Variants in KIF26A observed in about 807,000 individuals in gnomAD.
The protein encoded by KIF26A is kinesin-like protein KIF26A.
In KIF26A, 74 loss-of-function variants were observed where a neutral mutation model predicts 126.0. That is an observed-to-expected ratio of 0.59 (90% CI 0.49 to 0.71). KIF26A has a LOEUF of 0.71. Among genes scored for constraint, KIF26A ranks in the 30% least tolerant of loss-of-function variants. The pLI is 0.00. For missense variants in KIF26A, 2,984 were observed against 2,763.3 expected (o/e 1.08, Z -1.79); for synonymous variants, 1,445 against 1,232.7 (o/e 1.17, Z -3.61).
intron 11 of KIF26A, among the ~76,000 whole-genome samples, chr14:104,174,618 C>G (rs547810838): frequency 1.3e-5 from 2 of 152,224 alleles, no homozygotes; most frequent in South Asian, 4.1e-4. Context: ...ACCACCTCTG[C>G]AGGGGCTTCC....
chr14:104,178,486 C>G, intron 12 of KIF26A, 64 bp from the exon 13 acceptor site: 1 of 1,289,048 alleles, frequency 7.8e-7, no homozygotes, highest in Non-Finnish European at 1.0e-6. Flanking sequence ...GCAGCGTCCC[C>G]GCAGGGGCTG....
chr14:104,166,984 C>T lies in KIF26A; in HGVS notation c.1049C>T (p.Pro350Leu), dbSNP rs994793445. ...GGGGTCCTGCAGCTGTGGCCGCCCC[C>T]GGCGCCCCCCTGCCTGCTCAGGGCC... Reference protein sequence around the residue: ...FSGVLQLWPPPAPPCLLRAAS... With the variant: ...FSGVLQLWPPLAPPCLLRAAS... The change falls in exon 5 of 15, where the codon CCG (proline) becomes CTG (leucine). Residue 350 changes from proline (P) to leucine (L), a missense_variant. Physicochemically the swap from Pro to Leu is moderately conservative, Grantham distance 98. Transcript: ENST00000423312. 1.2e-4 allele frequency: 190 copies of T among 1,583,850 alleles called. 1 individual carries two copies. Among genetic ancestry groups the T allele is most frequent in the Non-Finnish European group, 1.5e-4 (179 of 1,166,200 alleles).
rs771577807 is a variant in KIF26A at position 104,169,244 on chromosome 14, G to A, written c.1113+2196G>A. Among the ~76,000 whole-genome samples the A allele has an allele frequency of 2.0e-5, 3 of 152,212 alleles. No individual in the cohort carries two copies. In the East Asian group the frequency reaches 5.8e-4, roughly 29 times the overall value. On this transcript the variant is annotated intron_variant, in intron 5 of 14. Transcript: ENST00000423312. ...TGGGCAGGCAGCATCCAGGTTCCCC[G>A]CCCAGCCTGGGATCGGGGCCCTGGC...
chr14:104,176,000 G>A lies in KIF26A; in HGVS notation c.3212G>A (p.Arg1071Gln), dbSNP rs368918923. The stretch of plus-strand genomic sequence containing the variant: ...CTGCGGGCCCTGGCCTCGGGGTCCC[G>A]GCCAGTCAGCATCATCAGCAGCATC... ...CSLRALASGS[R>Q]PVSIISSIND... is the part of the protein sequence containing the mutation. The change falls in exon 12 of 15, where the codon CGG (arginine) becomes CAG (glutamine). Residue 1071 changes from arginine (R) to glutamine (Q), a missense_variant. Coordinates refer to ENST00000423312, the MANE Select transcript of KIF26A (RefSeq NM_015656.2). 12 of 1,583,476 alleles carry A rather than the reference G, an allele frequency of 7.6e-6. No individual in the cohort carries two copies. Among genetic ancestry groups the A allele is most frequent in the African/African-American group, 6.7e-5 (5 of 74,512 alleles).
In KIF26A at chr14:104,154,834, G is replaced by A. The variant is rs941984267; in HGVS notation, c.735+2373G>A. 1.1e-4 allele frequency among the ~76,000 whole-genome samples: 17 copies of A among 152,232 alleles called. 1 individual carries two copies. The highest frequency in any genetic ancestry group is 1.1e-3 in the Admixed American group (17 of 15,292). ...GTGGGCAGTGTGGGGTGCTGGAGGT[G>A]TTGACGGTGGCCCTGAGGAGCGGGG... is the stretch of plus-strand genomic sequence containing the variant. On this transcript the variant is annotated intron_variant, in intron 3 of 14. Transcript: ENST00000423312.
intron 2 of KIF26A, among the ~76,000 whole-genome samples, chr14:104,145,339 CT>C (rs2037670905): frequency 6.6e-6 from 1 of 152,192 alleles, no homozygotes. Flanking sequence ...GCCCGAGGCC[CT>C]CCGCAGGGCT....
Position 104,138,618 on chromosome 14 carries a change from G to C in KIF26A, c.-105G>C. ...AGGCTCTGCGAACTTCCGAGCGGCT[G>C]GGCCGGGCCATGGGGGCGCCTCGGG... On this transcript the variant is annotated 5_prime_UTR_variant, in exon 1 of 15. Coordinates refer to ENST00000423312, the MANE Select transcript of KIF26A (RefSeq NM_015656.2). The C allele has an allele frequency of 3.2e-6, 3 of 923,656 alleles. No homozygotes were observed. Among genetic ancestry groups the C allele is most frequent in the Non-Finnish European group, 4.2e-6 (3 of 719,840 alleles). 57.2% of individuals were successfully genotyped at this position (923,656 alleles called of 1,614,324 possible).
In KIF26A at chr14:104,175,456, G is replaced by A. The variant is rs1343894111; in HGVS notation, c.2668G>A (p.Val890Met). 4 of 1,591,540 alleles carry A rather than the reference G, an allele frequency of 2.5e-6. No homozygotes were observed. The highest frequency in any genetic ancestry group is 2.6e-6 in the Non-Finnish European group (3 of 1,176,212). Residue 890 changes from valine to methionine, a missense_variant, in exon 12 of 15, where the codon GTG becomes ATG. Physicochemically the swap from Val to Met is conservative, Grantham distance 21. Coordinates refer to ENST00000423312, the MANE Select transcript of KIF26A (RefSeq NM_015656.2). The stretch of plus-strand genomic sequence containing the variant: ...AGAGGCTGCATCCCCCAGGAAGGCC[G>A]TGGGCACCCCGATGGCTGCCAGCAC... ...PPEAASPRKA[V>M]GTPMAASTPR...
intron 3 of KIF26A, 93 bp from the exon 4 acceptor site, chr14:104,157,662 G>A: frequency 3.7e-6 from 5 of 1,354,292 alleles, no homozygotes; most frequent in Non-Finnish European, 5.0e-6. Flanking sequence ...TGGGCTCTGG[G>A]GTGCCCAGGC....
intron 7 of KIF26A, 113 bp downstream of exon 7, chr14:104,172,781 C>A: frequency 9.4e-7 from 1 of 1,067,764 alleles, no homozygotes; most frequent in Non-Finnish European, 1.3e-6. Context: ...TACACATGGG[C>A]CGTGGTGGGC....
Position 104,175,278 on chromosome 14 carries a change from C to T in KIF26A, c.2490C>T (p.Pro830=). Residue 830 remains proline, a synonymous_variant, in exon 12 of 15, where the codon CCC becomes CCT. Transcript: ENST00000423312. ...GCCGCCACCGGCCCTCCAAGGGTCC[C>T]CGAGACGCAGACCACTTCCGCTGCA... ...ALSRHRPSKG[P]RDADHFRCST... 6.2e-7 allele frequency: 1 copy of T among 1,605,474 alleles called. No individual in the cohort carries two copies.
At position 104,176,063 on chromosome 14, in the gene KIF26A, A is replaced by AG. The variant is rs745639630; in HGVS notation, c.3282dup (p.Pro1095AlafsTer32). On this transcript the variant is annotated frameshift_variant, in exon 12 of 15. Transcript: ENST00000423312. LOFTEE classifies it high-confidence loss of function. ...GACGCCTACACCTCTCAGGCCCCTG[A>AG]GGGGGGGCCCCTGGAGGGGGCAGCC... The AG allele has an allele frequency of 1.3e-6, 2 of 1,596,526 alleles. No individual in the cohort carries two copies. Among genetic ancestry groups the AG allele is most frequent in the Non-Finnish European group, 1.7e-6 (2 of 1,174,552 alleles).
rs575848831 is a variant in KIF26A, at chr14:104,177,107, G to A, written c.4319G>A (p.Arg1440Gln). The part of the protein sequence containing the change: ...HRLAGHASLE[R>Q]YEGLAHSSSK... ...CTTGCCGGACACGCGTCTCTGGAGC[G>A]GTACGAAGGCCTGGCGCACAGCAGC... The change falls in exon 12 of 15, where the codon CGG becomes CAG. Residue 1440 changes from arginine (R) to glutamine (Q), a missense_variant. By Grantham distance (43) the Arg-to-Gln change is conservative. Coordinates refer to ENST00000423312, the MANE Select transcript of KIF26A (RefSeq NM_015656.2). The A allele has an allele frequency of 3.0e-5, 48 of 1,597,290 alleles. No individual in the cohort carries two copies. Among genetic ancestry groups the A allele is most frequent in the African/African-American group, 4.0e-5 (3 of 74,880 alleles).
rs2038067204 is a variant in KIF26A at position 104,178,847 on chromosome 14, CTG to C, written c.5316+93_5316+94del. 5.4e-6 allele frequency: 4 copies of C among 745,906 alleles called. No individual in the cohort carries two copies. In the Admixed American group the frequency reaches 1.2e-4, roughly 23 times the overall value. 46.2% of individuals were successfully genotyped at this position (745,906 alleles called of 1,614,324 possible). A position where few individuals can be genotyped will look rare whatever the true frequency, so the allele number is the denominator to read the frequency against. ...GCCATTTGATGGGCTCGCCAGGCCT[CTG>C]GGGGTGTGGCTGGGCAGCCCCTGAC... On this transcript the variant is annotated intron_variant, in intron 13 of 14. Transcript: ENST00000423312.
rs1265254139 is a variant in KIF26A, at chr14:104,177,430, G to C, written c.4642G>C (p.Ala1548Pro). 1 of 1,516,680 alleles carries C rather than the reference G, an allele frequency of 6.6e-7. No individual in the cohort carries two copies. The highest frequency in any genetic ancestry group is 2.1e-5 in the Admixed American group (1 of 48,752). 94.0% of individuals were successfully genotyped at this position (1,516,680 alleles called of 1,614,324 possible). A position where few individuals can be genotyped will look rare whatever the true frequency, so the allele number is the denominator to read the frequency against. The change falls in exon 12 of 15, where the codon GCT (alanine) becomes CCT (proline). Residue 1548 changes from alanine to proline, a missense_variant. Coordinates refer to ENST00000423312, the MANE Select transcript of KIF26A (RefSeq NM_015656.2). ...GGCCGGGCCCAGTGTCGGGGCGAAGGCTGGCCGGGGTACCGTCATGGGCAC... is the reference window on the plus strand; with the variant it reads ...GGCCGGGCCCAGTGTCGGGGCGAAGCCTGGCCGGGGTACCGTCATGGGCAC... ...PRAGPSVGAKAGRGTVMGTKQ... is the reference protein window; with the variant it reads ...PRAGPSVGAKPGRGTVMGTKQ...
In KIF26A at chr14:104,152,313, C is replaced by T. The variant is rs986252743; in HGVS notation, c.587C>T (p.Ala196Val). The T allele has an allele frequency of 2.5e-6, 4 of 1,581,424 alleles. 1 individual carries two copies. The Admixed American group carries it at 7.3e-5, about 29-fold the overall frequency. The change falls in exon 3 of 15, where the codon GCC becomes GTC. Residue 196 changes from alanine (A) to valine (V), a missense_variant. By Grantham distance (64) the Ala-to-Val change is moderately conservative. Transcript: ENST00000423312. The surrounding 1 kb of genome is among the most constrained non-coding windows in gnomAD (Gnocchi z 5.9). ...GGGCCAGACAGGACCAAGGGGCTGGCCTGGTCCCCCGGGCCCAGTGTCCAG... is the reference window on the plus strand; with the variant it reads ...GGGCCAGACAGGACCAAGGGGCTGGTCTGGTCCCCCGGGCCCAGTGTCCAG... ...RAGPDRTKGL[A>V]WSPGPSVQVS...
intron 4 of KIF26A, among the ~76,000 whole-genome samples, chr14:104,158,206 T>C (rs2037801192): frequency 6.6e-6 from 1 of 152,184 alleles, no homozygotes; most frequent in Non-Finnish European, 1.5e-5. Flanking sequence ...CCTGCCTGAG[T>C]TGGAGCCTGG....
Position 104,166,930 on chromosome 14 carries a change from G to A in KIF26A, c.995G>A (p.Gly332Asp), listed in dbSNP as rs1316960215. 2.5e-6 allele frequency: 4 copies of A among 1,593,452 alleles called. No individual in the cohort carries two copies. The African/African-American group carries it at 4.0e-5, about 16-fold the overall frequency. The change falls in exon 5 of 15, where the codon GGC becomes GAC. Residue 332 changes from glycine to aspartate, a missense_variant. By Grantham distance (94) the Gly-to-Asp change is moderately conservative. Coordinates refer to ENST00000423312, the MANE Select transcript of KIF26A (RefSeq NM_015656.2). The part of the protein sequence containing the change: ...PHPPPPPATR[G>D]TSTYPTDFSG... ...CCGCCACCGCCTCCAGCCACCCGCG[G>A]CACCTCCACCTACCCCACCGACTTC...
In KIF26A at chr14:104,179,248, G is replaced by A. The variant is rs539832310; in HGVS notation, c.5329G>A (p.Val1777Ile). 117 of 1,505,348 alleles carry A rather than the reference G, an allele frequency of 7.8e-5. No individual in the cohort carries two copies. The highest frequency in any genetic ancestry group is 2.2e-4 in the Middle Eastern group (1 of 4,574). 93.2% of individuals were successfully genotyped at this position (1,505,348 alleles called of 1,614,324 possible). A position where few individuals can be genotyped will look rare whatever the true frequency, so the allele number is the denominator to read the frequency against. The change falls in exon 14 of 15, where the codon GTC (valine) becomes ATC (isoleucine). Residue 1777 changes from valine to isoleucine, a missense_variant. Coordinates refer to ENST00000423312, the MANE Select transcript of KIF26A (RefSeq NM_015656.2). ...REAPTQGLACVSTRLRLAERR... is the reference protein window; with the variant it reads ...REAPTQGLACISTRLRLAERR... ...CCCTGCCTCCCAGGGTCTGGCGTGC[G>A]TCAGTACAAGGCTGCGGCTGGCGGA...
Sources: allele counts gnomAD v4.1 joint callset (sites outside exome capture counted in the v4.1 genomes callset), GRCh38; gene constraint gnomAD v4.1.1; non-coding constraint Gnocchi (gnomAD v3.1); transcripts MANE v1.5; gene names NCBI Gene and HGNC (gene_info 2026-07-23, HGNC 2026-07-21).